NFIA: variants seen among roughly 807,000 people sequenced by gnomAD.
The protein encoded by NFIA is nuclear factor I A.
In NFIA, 8 loss-of-function variants were observed where a neutral mutation model predicts 62.8. The observed-to-expected ratio is 0.13, with a 90% CI of 0.07 to 0.23. The LOEUF is 0.23. Ranked by LOEUF, NFIA falls within the 10% of genes least tolerant of loss-of-function variation. The probability of loss-of-function intolerance (pLI) is 1.00; values close to 1 mark genes in which losing one functional copy is unlikely to be tolerated. For missense variants in NFIA, 410 were observed against 642.1 expected, an observed-to-expected ratio of 0.64 and a Z score of 3.91; for synonymous variants, 235 against 238.1, an observed-to-expected ratio of 0.99 and a Z score of 0.12.
intron 2 of NFIA, among the ~76,000 whole-genome samples, chr1:61,231,768 A>G (rs1654683458): frequency 1.3e-5 from 2 of 152,182 alleles, no homozygotes; most frequent in Non-Finnish European, 2.9e-5. Context: ...GTTTAAGGCT[A>G]CAGTGAGCTG....
chr1:61,194,503 C>T (rs1350001314), intron 2 of NFIA, among the ~76,000 whole-genome samples: 1 of 152,038 alleles, frequency 6.6e-6, no homozygotes, highest in Admixed American at 6.5e-5. Flanking sequence ...AACTTTAGGT[C>T]GTGTTAACTG....
At chr1:61,115,816 T>C (rs1041349875) in intron 2 of NFIA, among the ~76,000 whole-genome samples, 1 of 152,206 alleles carries the variant, frequency 6.6e-6, no homozygotes, top group African/African-American at 2.4e-5. Context: ...GCCTTTGACA[T>C]GTTATCCCTT....
At chr1:61,358,899 G>T (rs1390213573) in intron 5 of NFIA, among the ~76,000 whole-genome samples, 1 of 152,204 alleles carries the variant, frequency 6.6e-6, no homozygotes, top group African/African-American at 2.4e-5. Flanking sequence ...AACAGGAACA[G>T]GATGTGGCAG....
At chr1:61,194,001 G>T (rs1461437528) in intron 2 of NFIA, among the ~76,000 whole-genome samples, 4 of 152,222 alleles carry the variant, frequency 2.6e-5, no homozygotes, top group Non-Finnish European at 5.9e-5. Context: ...TAAAATAGGG[G>T]AAGTGCTTGT....
chr1:61,225,630 G>C (rs1179098285), intron 2 of NFIA, among the ~76,000 whole-genome samples: 2 of 150,564 alleles, frequency 1.3e-5, no homozygotes, highest in Non-Finnish European at 1.5e-5. Flanking sequence ...TCACCAAAAG[G>C]AAGTTTGCTT....
At chr1:61,103,937 CTG>C (rs1391359962) in intron 2 of NFIA, among the ~76,000 whole-genome samples, 2 of 152,082 alleles carry the variant, frequency 1.3e-5, no homozygotes, top group Non-Finnish European at 2.9e-5. Context: ...TTTAGGCTAT[CTG>C]TTTTTCCCTT....
rs748430347 is a variant in NFIA, at chr1:61,088,286, C to T, written c.165C>T (p.Ala55=). The change falls in exon 2 of 11, where the codon GCC becomes GCT. Residue 55 remains alanine (A), a synonymous_variant. Coordinates refer to ENST00000403491, the MANE Select transcript of NFIA (RefSeq NM_001134673.4). This position sits in a 1 kb window ranked among gnomAD's most constrained non-coding sequence, Gnocchi z 4.5. ...EKRMSKEEER[A]VKDELLSEKP... ...GTATGTCAAAAGAAGAAGAGAGAGCCGTGAAGGATGAATTGCTAAGTGAAA... is the reference window on the plus strand; with the variant it reads ...GTATGTCAAAAGAAGAAGAGAGAGCTGTGAAGGATGAATTGCTAAGTGAAA... The T allele has an allele frequency of 9.3e-6, 15 of 1,613,026 alleles. No individual in the cohort carries two copies. The highest frequency in any genetic ancestry group is 1.6e-4 in the Middle Eastern group (1 of 6,084).
rs1283255705 is a variant in NFIA at position 61,457,130 on chromosome 1, A to G, written c.*1810A>G. The G allele has an allele frequency of 2.6e-5, 4 of 152,130 alleles. No individual in the cohort carries two copies. Among genetic ancestry groups the G allele is most frequent in the Non-Finnish European group, 5.9e-5 (4 of 68,038 alleles). The allele number at this position is 152,130 out of a possible 1,614,324, so 9.4% of individuals were successfully genotyped here. On this transcript the variant is annotated 3_prime_UTR_variant, in exon 11 of 11. Transcript: ENST00000403491. The surrounding 1 kb of genome is among the most constrained non-coding windows in gnomAD (Gnocchi z 4.2). ...TTCAGCCCTTCAGAAGGGTTCTACT[A>G]CTGTCCTATACAATCAAGTAACTGA...
chr1:61,189,536 G>A (rs1043393224), intron 2 of NFIA, among the ~76,000 whole-genome samples: 1 of 151,928 alleles, frequency 6.6e-6, no homozygotes, highest in Non-Finnish European at 1.5e-5. Context: ...ATGGTGGCGC[G>A]CAGCTGTAGT....
At chr1:61,418,352 C>T (rs771777501) in intron 9 of NFIA, among the ~76,000 whole-genome samples, 46 of 151,914 alleles carry the variant, frequency 3.0e-4, no homozygotes, top group Non-Finnish European at 5.1e-4. Context: ...CCCAGCTACT[C>T]GGTAGGCTGA....
intron 9 of NFIA, 34 bp from the exon 10 acceptor site, chr1:61,426,431 G>A (rs899653067): frequency 4.9e-6 from 7 of 1,442,310 alleles, no homozygotes; most frequent in East Asian, 2.5e-5. Context: ...ATCTCGTGCC[G>A]CTTCCTGAAC....
intron 7 of NFIA, among the ~76,000 whole-genome samples, chr1:61,390,356 T>C (rs75550656): frequency 0.011 from 1,681 of 150,138 alleles, 15 homozygotes; most frequent in Non-Finnish European, 0.017. Context: ...ACGATGGGAG[T>C]TTAGAAGTAA....
intron 2 of NFIA, among the ~76,000 whole-genome samples, chr1:61,158,203 T>C (rs1219175678): frequency 6.6e-6 from 1 of 152,230 alleles, no homozygotes; most frequent in Non-Finnish European, 1.5e-5. Flanking sequence ...GTGGATTCTG[T>C]TAATCACTTG....
At chr1:61,372,730 G>A (rs190398401) in intron 6 of NFIA, among the ~76,000 whole-genome samples, 1 of 152,108 alleles carries the variant, frequency 6.6e-6, no homozygotes, top group African/African-American at 2.4e-5. Context: ...TTACATCCAT[G>A]AAGCTGCATT....
intron 3 of NFIA, among the ~76,000 whole-genome samples, chr1:61,288,656 T>C (rs186912781): frequency 6.6e-6 from 1 of 152,328 alleles, no homozygotes; most frequent in African/African-American, 2.4e-5. Context: ...ACAAGAGATT[T>C]ATTGGGGCAA....
intron 2 of NFIA, among the ~76,000 whole-genome samples, chr1:61,165,263 GT>G (rs767458398): frequency 3.5e-4 from 54 of 152,236 alleles, no homozygotes; most frequent in Non-Finnish European, 5.7e-4. Flanking sequence ...ATAAATGCCT[GT>G]TTTGTAAATC....
chr1:61,287,044 C>T (rs1658547903), intron 3 of NFIA, among the ~76,000 whole-genome samples: 1 of 151,984 alleles, frequency 6.6e-6, no homozygotes, highest in African/African-American at 2.4e-5. Context: ...ATCTTGTAAG[C>T]CAAGGAAAAG....
chr1:61,207,998 G>A (rs1453444367), intron 2 of NFIA, among the ~76,000 whole-genome samples: 1 of 38,254 alleles, frequency 2.6e-5, no homozygotes, highest in Non-Finnish European at 4.7e-5. Context: ...TTTTTTTTTT[G>A]ATGCAGCTCT....
chr1:61,077,751 G>A (rs904745732), upstream of NFIA: 11 of 591,814 alleles, frequency 1.9e-5, no homozygotes, highest in South Asian at 6.7e-4. Flanking sequence ...ATGCACTTAA[G>A]TGATTGCTGG....
Sources: allele counts gnomAD v4.1 joint callset (sites outside exome capture counted in the v4.1 genomes callset), GRCh38; gene constraint gnomAD v4.1.1; non-coding constraint Gnocchi (gnomAD v3.1); transcripts MANE v1.5; gene names NCBI Gene and HGNC (gene_info 2026-07-23, HGNC 2026-07-21).